The following SLC35F1 variants were observed in gnomAD, a reference collection of about 807,000 sequenced individuals.
SLC35F1 encodes solute carrier family 35 member F1.
A neutral mutation model predicts 48.7 loss-of-function variants in SLC35F1; 14 were observed. That is an observed-to-expected ratio of 0.29 (90% confidence interval 0.19 to 0.45). SLC35F1 has a LOEUF of 0.45. Ranked by LOEUF, SLC35F1 falls within the 20% of genes least tolerant of loss-of-function variation. The probability of loss-of-function intolerance (pLI) is 1.00; values close to 1 mark genes in which losing one functional copy is unlikely to be tolerated. For synonymous variants in SLC35F1, 190 were observed against 202.2 expected, an observed-to-expected ratio of 0.94 and a Z score of 0.51; for missense variants, 404 against 500.0, an observed-to-expected ratio of 0.81 and a Z score of 1.83.
At chr6:118,268,596 ATATAT>A (rs1775807584) in intron 4 of SLC35F1, among the ~76,000 whole-genome samples, 1 of 80,202 alleles carries the variant, frequency 1.2e-5, no homozygotes, top group Non-Finnish European at 2.6e-5. Flanking sequence ...ATATATATAT[ATATAT>A]TTTTTTTTTT....
At chr6:117,981,131 T>C (rs1342441034) in intron 1 of SLC35F1, among the ~76,000 whole-genome samples, 1 of 152,086 alleles carries the variant, frequency 6.6e-6, no homozygotes, top group African/African-American at 2.4e-5. Flanking sequence ...GGGTTGCCAT[T>C]AAGTAAGATA....
chr6:117,910,098 C>T (rs569625525), intron 1 of SLC35F1, among the ~76,000 whole-genome samples: 2 of 152,096 alleles, frequency 1.3e-5, no homozygotes, highest in Non-Finnish European at 2.9e-5. Flanking sequence ...AGTAAGGAGA[C>T]TGAAAAATCT....
chr6:117,987,033 G>C (rs1465791710), intron 1 of SLC35F1, among the ~76,000 whole-genome samples: 1 of 152,164 alleles, frequency 6.6e-6, no homozygotes, highest in Non-Finnish European at 1.5e-5. Flanking sequence ...AACTGCCAGG[G>C]TTGAAGGGAT....
intron 1 of SLC35F1, among the ~76,000 whole-genome samples, chr6:117,981,709 T>C (rs1283521293): frequency 6.6e-6 from 1 of 152,226 alleles, no homozygotes; most frequent in Non-Finnish European, 1.5e-5. Context: ...GTTAATGTTT[T>C]ATTTTTGGAG....
Position 118,026,014 on chromosome 6 carries a change from T to TA in SLC35F1, c.173+118116dup, listed in dbSNP as rs149564492. On this transcript the variant is annotated intron_variant, in intron 1 of 7. Transcript: ENST00000360388. ...TACCTATTACTTCAAGGCACTCTGC[T>TA]AGGTGCTGTGGGAGATTCGAGGATG... 7.6e-3 allele frequency among the ~76,000 whole-genome samples: 1,153 copies of TA among 152,294 alleles called. 13 individuals carry two copies. The highest frequency in any genetic ancestry group is 0.024 in the Middle Eastern group (7 of 294).
intron 1 of SLC35F1, among the ~76,000 whole-genome samples, chr6:118,056,747 C>G (rs987249834): frequency 2.6e-5 from 4 of 152,056 alleles, no homozygotes; most frequent in Admixed American, 2.6e-4. Context: ...TATACAAAGA[C>G]TTTTTTATAG....
intron 2 of SLC35F1, among the ~76,000 whole-genome samples, chr6:118,160,927 G>A (rs1774221002): frequency 6.6e-6 from 1 of 151,654 alleles, no homozygotes; most frequent in Admixed American, 6.6e-5. Flanking sequence ...GAGGTTGGGG[G>A]TGGTAGCCGA....
chr6:118,238,426 A>AAATAATAAT (rs67710305), intron 3 of SLC35F1, among the ~76,000 whole-genome samples: 3,584 of 144,420 alleles, frequency 0.025, 56 homozygotes, highest in South Asian at 0.071. Flanking sequence ...CCCATCTCTA[A>AAATAATAAT]AATAATAATA....
chr6:118,194,269 A>C (rs1774771543), intron 2 of SLC35F1, among the ~76,000 whole-genome samples: 1 of 152,172 alleles, frequency 6.6e-6, no homozygotes, highest in Non-Finnish European at 1.5e-5. Context: ...GGAAAATTCA[A>C]GAAGAGAAGC....
chr6:118,255,444 T>C (rs538853271), intron 3 of SLC35F1, among the ~76,000 whole-genome samples: 5 of 152,164 alleles, frequency 3.3e-5, no homozygotes, highest in Non-Finnish European at 5.9e-5. Flanking sequence ...ACAAGGAGGA[T>C]CTTGCCCCCA....
intron 1 of SLC35F1, among the ~76,000 whole-genome samples, chr6:118,093,244 A>G (rs1396435837): frequency 6.6e-6 from 1 of 152,140 alleles, no homozygotes; most frequent in Non-Finnish European, 1.5e-5. Context: ...TGAACCCAGC[A>G]GGCGGTGCTT....
At chr6:118,092,495 A>G (rs1015118216) in intron 1 of SLC35F1, among the ~76,000 whole-genome samples, 1 of 152,240 alleles carries the variant, frequency 6.6e-6, no homozygotes, top group Non-Finnish European at 1.5e-5. Context: ...GCCCCCACAC[A>G]GAGTCCCCAC....
chr6:118,026,966 T>A (rs1039284898), intron 1 of SLC35F1, among the ~76,000 whole-genome samples: 5 of 152,162 alleles, frequency 3.3e-5, no homozygotes, highest in African/African-American at 1.2e-4. Context: ...GTCCCTTTTG[T>A]TGTCATTGCC....
chr6:118,031,545 G>C lies in SLC35F1; in HGVS notation c.174-122900G>C, dbSNP rs754702555. Among the ~76,000 whole-genome samples, 3 of 152,292 alleles carry C rather than the reference G, an allele frequency of 2.0e-5. No homozygotes were observed. In the East Asian group the frequency reaches 5.8e-4, roughly 30 times the overall value. ...AAAATCCTAGTGATGCAGGACAGGGGAGCCCCAAAGTGGGGCTTAGCCTGT... is the reference window on the plus strand; with the variant it reads ...AAAATCCTAGTGATGCAGGACAGGGCAGCCCCAAAGTGGGGCTTAGCCTGT... On this transcript the variant is annotated intron_variant, in intron 1 of 7. Transcript: ENST00000360388.
At chr6:118,312,630 A>G (rs537529423) in intron 7 of SLC35F1, among the ~76,000 whole-genome samples, 1 of 152,342 alleles carries the variant, frequency 6.6e-6, no homozygotes, top group Non-Finnish European at 1.5e-5. Flanking sequence ...TCAGAAAAGC[A>G]TCTTTAGTCT....
chr6:118,000,849 A>G (rs1354825413), intron 1 of SLC35F1, among the ~76,000 whole-genome samples: 1 of 152,212 alleles, frequency 6.6e-6, no homozygotes, highest in Non-Finnish European at 1.5e-5. Context: ...CCCATTCACA[A>G]TTGCTTCAAA....
chr6:117,960,458 C>G (rs1776483938), intron 1 of SLC35F1, among the ~76,000 whole-genome samples: 1 of 151,908 alleles, frequency 6.6e-6, no homozygotes. Flanking sequence ...TTTGGTTTCT[C>G]TAAAGAATCA....
chr6:118,314,095 C>A lies in SLC35F1; in HGVS notation c.1070C>A (p.Ser357Tyr). 1 of 1,614,190 alleles carries A rather than the reference C, an allele frequency of 6.2e-7. No individual in the cohort carries two copies. ...LIGLVLYSST[S>Y]TYIAQDPRVY... ...GGGCTGGTGCTCTACTCCTCCACCT[C>A]CACCTACATAGCCCAGGACCCCCGA... The change falls in exon 8 of 8, where the codon TCC (serine) becomes TAC (tyrosine). Residue 357 changes from serine (S) to tyrosine (Y), a missense_variant. By Grantham distance (144) the Ser-to-Tyr change is moderately radical. This residue lies in a region of SLC35F1 where 306 missense variants were observed against 419.1 expected (regional missense o/e 0.73). Coordinates refer to ENST00000360388, the MANE Select transcript of SLC35F1 (RefSeq NM_001029858.4).
intron 1 of SLC35F1, among the ~76,000 whole-genome samples, chr6:118,130,165 T>C (rs1439852283): frequency 6.6e-6 from 1 of 152,188 alleles, no homozygotes; most frequent in Non-Finnish European, 1.5e-5. Flanking sequence ...AACTGTAACA[T>C]GGAAATTAGT....
Sources: gnomAD v4.1 joint callset for allele counts (sites outside exome capture counted in the v4.1 genomes callset) on GRCh38, gnomAD v4.1.1 for gene constraint, gnomAD v4.1.1 regional missense constraint, MANE v1.5 for transcripts, NCBI Gene and HGNC (gene_info 2026-07-23, HGNC 2026-07-21) for gene names.